The following NEK6 variants were observed in gnomAD, a reference collection of about 807,000 sequenced individuals.
NEK6 encodes NIMA related kinase 6, also known as serine/threonine-protein kinase Nek6.
A neutral mutation model predicts 43.5 loss-of-function variants in NEK6; 27 were observed. The observed-to-expected ratio is 0.62, with a 90% CI of 0.46 to 0.86. NEK6 has a LOEUF of 0.86. Among genes scored for constraint, NEK6 ranks in the 40% least tolerant of loss-of-function variants. The pLI is 0.00. For missense variants in NEK6, 318 were observed against 414.4 expected (o/e 0.77, Z 2.02); for synonymous variants, 167 against 164.1 (o/e 1.02, Z -0.14).
chr9:124,286,225 T>G (rs1361260300), intron 1 of NEK6, among the ~76,000 whole-genome samples: 2 of 152,200 alleles, frequency 1.3e-5, no homozygotes, highest in Non-Finnish European at 2.9e-5. Context: ...ATTCAGCTGT[T>G]AGTTCTTTTT....
At chr9:124,293,084 T>G in intron 1 of NEK6, 1 of 1,376,368 alleles carries the variant, frequency 7.3e-7, no homozygotes, top group Non-Finnish European at 9.5e-7. Flanking sequence ...GGCCTGGGAC[T>G]CCTAGAGTGA....
intron 9 of NEK6, among the ~76,000 whole-genome samples, chr9:124,349,032 C>T (rs1564667882): frequency 6.6e-6 from 1 of 152,248 alleles, no homozygotes; most frequent in South Asian, 2.1e-4. Flanking sequence ...GGCCAAACTG[C>T]ACAGGGCAGG....
intron 1 of NEK6, among the ~76,000 whole-genome samples, chr9:124,285,955 T>TA (rs1450500041): frequency 1.3e-5 from 2 of 152,144 alleles, no homozygotes; most frequent in African/African-American, 4.8e-5. Flanking sequence ...ACATACTAAA[T>TA]AAATACAGAT....
chr9:124,309,706 T>C (rs1833436104), intron 2 of NEK6, among the ~76,000 whole-genome samples: 1 of 152,196 alleles, frequency 6.6e-6, no homozygotes, highest in Non-Finnish European at 1.5e-5. Context: ...CAACACCTCA[T>C]GGTTATTTTT....
At chr9:124,284,305 C>T (rs1832053646) in intron 1 of NEK6, among the ~76,000 whole-genome samples, 1 of 152,244 alleles carries the variant, frequency 6.6e-6, no homozygotes, top group Non-Finnish European at 1.5e-5. Context: ...TCCAAGATGG[C>T]ACCACTGCAC....
At chr9:124,337,579 C>T (rs181772523) in intron 7 of NEK6, among the ~76,000 whole-genome samples, 53 of 152,298 alleles carry the variant, frequency 3.5e-4, no homozygotes, top group African/African-American at 1.2e-3. Context: ...TTCATTTTGT[C>T]GTGTATAACT....
At position 124,351,030 on chromosome 9, in the gene NEK6, C is replaced by T. The variant is rs1411092230; in HGVS notation, c.*83C>T. ...TTCTCTTCGAGTGGCCACCTGGTAG[C>T]CTAGAACAGCTAAGACCACAGGGTT... On this transcript the variant is annotated 3_prime_UTR_variant, in exon 10 of 10. Transcript: ENST00000320246. 8.9e-6 allele frequency: 8 copies of T among 901,624 alleles called. No individual in the cohort carries two copies. The highest frequency in any genetic ancestry group is 1.5e-5 in the South Asian group (1 of 68,818). The allele number at this position is 901,624 out of a possible 1,614,324, so 55.9% of individuals were successfully genotyped here.
intron 1 of NEK6, among the ~76,000 whole-genome samples, chr9:124,262,658 G>T (rs984604230): frequency 6.6e-6 from 1 of 152,236 alleles, no homozygotes; most frequent in Non-Finnish European, 1.5e-5. Context: ...CGAGTGGGGG[G>T]GCCATGGGAA....
intron 7 of NEK6, among the ~76,000 whole-genome samples, chr9:124,335,966 G>T (rs190371386): frequency 6.6e-6 from 1 of 152,106 alleles, no homozygotes; most frequent in African/African-American, 2.4e-5. Context: ...TAGGCGGGGC[G>T]TGGTGGCTCA....
intron 7 of NEK6, among the ~76,000 whole-genome samples, chr9:124,331,094 C>T (rs1040729436): frequency 5.9e-5 from 9 of 151,834 alleles, no homozygotes; most frequent in Non-Finnish European, 1.0e-4. Context: ...GAAACCTCGT[C>T]GCTACTAAAA....
At chr9:124,280,070 C>T (rs1482595124) in intron 1 of NEK6, among the ~76,000 whole-genome samples, 1 of 152,274 alleles carries the variant, frequency 6.6e-6, no homozygotes, top group Non-Finnish European at 1.5e-5. Flanking sequence ...ATTGGAGCCC[C>T]TGCCTGTCCA....
chr9:124,304,128 A>AT (rs1425338692), intron 2 of NEK6, among the ~76,000 whole-genome samples: 7 of 152,230 alleles, frequency 4.6e-5, no homozygotes. Flanking sequence ...GGTTTGCAGA[A>AT]TGGGGGCGCA....
At chr9:124,258,399 A>C (rs773696695) in intron 1 of NEK6, 2 of 951,992 alleles carry the variant, frequency 2.1e-6, no homozygotes, top group East Asian at 1.2e-4. Flanking sequence ...GCTCCCCGCT[A>C]CCCACTTCCC....
intron 7 of NEK6, among the ~76,000 whole-genome samples, chr9:124,333,454 G>T (rs1829123077): frequency 6.6e-6 from 1 of 152,194 alleles, no homozygotes; most frequent in African/African-American, 2.4e-5. Flanking sequence ...CTGCCGGGAG[G>T]CAGGGACCTG....
intron 2 of NEK6, among the ~76,000 whole-genome samples, chr9:124,309,809 G>A (rs907727052): frequency 3.9e-5 from 6 of 152,318 alleles, no homozygotes; most frequent in South Asian, 2.1e-4. Flanking sequence ...AGGTGACGGC[G>A]TCTGAGTCAC....
intron 7 of NEK6, among the ~76,000 whole-genome samples, chr9:124,335,307 C>T (rs983975516): frequency 2.5e-4 from 38 of 152,128 alleles, no homozygotes; most frequent in Admixed American, 2.2e-3. Flanking sequence ...CTGGAAGTTG[C>T]GATTTGCTGT....
At chr9:124,318,755 A>G (rs1450080573) in intron 4 of NEK6, among the ~76,000 whole-genome samples, 1 of 151,140 alleles carries the variant, frequency 6.6e-6, no homozygotes, top group East Asian at 2.0e-4. Context: ...CACTGCAACC[A>G]CCGTCTCCCG....
intron 1 of NEK6, among the ~76,000 whole-genome samples, chr9:124,269,342 C>T (rs1761627072): frequency 6.6e-6 from 1 of 152,024 alleles, no homozygotes; most frequent in Non-Finnish European, 1.5e-5. Flanking sequence ...CCCCCCACCC[C>T]TGCCTGGGTG....
chr9:124,305,414 C>T (rs966203037), intron 2 of NEK6, among the ~76,000 whole-genome samples: 2 of 151,920 alleles, frequency 1.3e-5, no homozygotes, highest in East Asian at 1.9e-4. Context: ...ATTAGCTGGG[C>T]GTGGTGGTGT....
Sources: gnomAD v4.1 joint callset for allele counts (sites outside exome capture counted in the v4.1 genomes callset) on GRCh38, gnomAD v4.1.1 for gene constraint, MANE v1.5 for transcripts, NCBI Gene and HGNC (gene_info 2026-07-23, HGNC 2026-07-21) for gene names.